XRRA1: variants seen among roughly 807,000 people sequenced by gnomAD.
XRRA1 encodes the protein X-ray radiation resistance-associated protein 1.
Under a neutral mutation model 80.2 loss-of-function variants are expected in XRRA1, and 69 were observed. The observed-to-expected ratio is 0.86, with a 90% CI of 0.71 to 1.05. The LOEUF (loss-of-function observed/expected upper bound fraction) is 1.05, where lower values mean the gene tolerates loss of function less well. Ranked by LOEUF, XRRA1 falls within the 50% of genes least tolerant of loss-of-function variation. XRRA1 has a pLI of 0.00. For missense variants in XRRA1, 967 were observed against 976.4 expected (o/e 0.99, Z 0.13); for synonymous variants, 348 against 389.9 (o/e 0.89, Z 1.27).
In XRRA1 at chr11:74,893,098, C is replaced by A. The variant is rs533114615; in HGVS notation, c.1003+13141G>T. Among the ~76,000 whole-genome samples the A allele has an allele frequency of 3.3e-5, 5 of 152,372 alleles. No homozygotes were observed. The South Asian group carries it at 1.0e-3, about 32-fold the overall frequency. On this transcript the variant is annotated intron_variant, in intron 10 of 18. Coordinates refer to ENST00000684022, the MANE Select transcript of XRRA1 (RefSeq NM_001378157.1). ...TATAAGTCATGCTGCTGTAAAGACA[C>A]ATGCACATGTATGTTTATTGTGGCA...
intron 10 of XRRA1, among the ~76,000 whole-genome samples, chr11:74,866,937 A>G (rs1683708781): frequency 6.6e-6 from 1 of 152,204 alleles, no homozygotes; most frequent in African/African-American, 2.4e-5. Flanking sequence ...TATTCAAAGA[A>G]TAACAGAAAA....
chr11:74,893,365 A>T (rs1368620954), intron 10 of XRRA1, among the ~76,000 whole-genome samples: 11 of 141,418 alleles, frequency 7.8e-5, no homozygotes, highest in Admixed American at 1.4e-4. Flanking sequence ...ATGAGAACAC[A>T]TGGACACAGG....
intron 10 of XRRA1, among the ~76,000 whole-genome samples, chr11:74,880,557 G>T (rs1442971656): frequency 6.7e-6 from 1 of 149,974 alleles, no homozygotes; most frequent in Non-Finnish European, 1.5e-5. Context: ...TGATGTTAGG[G>T]TGTCAATTTT....
chr11:74,880,753 T>G (rs1018862165), intron 10 of XRRA1, among the ~76,000 whole-genome samples: 12 of 151,436 alleles, frequency 7.9e-5, no homozygotes, highest in African/African-American at 2.7e-4. Flanking sequence ...TTGTTCAGTT[T>G]CCATGTAGTT....
intron 10 of XRRA1, among the ~76,000 whole-genome samples, chr11:74,892,577 C>G (rs1407451424): frequency 6.6e-6 from 1 of 152,122 alleles, no homozygotes. Flanking sequence ...AACTAAAGAG[C>G]TTCTGCACAG....
intron 10 of XRRA1, among the ~76,000 whole-genome samples, chr11:74,877,200 C>G (rs985206255): frequency 5.9e-5 from 9 of 152,128 alleles, no homozygotes; most frequent in African/African-American, 1.7e-4. Flanking sequence ...TCTAGCCACC[C>G]AATAATGTGT....
chr11:74,909,761 C>T (rs751398987), intron 8 of XRRA1: 2 of 152,114 alleles, frequency 1.3e-5, no homozygotes, highest in Non-Finnish European at 2.9e-5. Context: ...CAGAGTGGTG[C>T]TATTTTTATT....
At chr11:74,941,261 G>C (rs1247253523) in intron 2 of XRRA1, among the ~76,000 whole-genome samples, 1 of 151,914 alleles carries the variant, frequency 6.6e-6, no homozygotes, top group Non-Finnish European at 1.5e-5. Flanking sequence ...TACCTTAAAA[G>C]ACAAGAGGAT....
chr11:74,881,855 T>C (rs1325574134), intron 10 of XRRA1, among the ~76,000 whole-genome samples: 9 of 147,488 alleles, frequency 6.1e-5, no homozygotes, highest in African/African-American at 2.2e-4. Flanking sequence ...TTCTGGCTTG[T>C]AGGGTTTCTG....
At chr11:74,900,839 A>AGTCT (rs540328882) in intron 10 of XRRA1, among the ~76,000 whole-genome samples, 60 of 152,338 alleles carry the variant, frequency 3.9e-4, no homozygotes, top group African/African-American at 1.4e-3. Flanking sequence ...ACAGACACAT[A>AGTCT]GTTAGTATCG....
Position 74,895,458 on chromosome 11 carries a change from G to A in XRRA1, c.1003+10781C>T, listed in dbSNP as rs1035993998. 3.3e-5 allele frequency among the ~76,000 whole-genome samples: 5 copies of A among 152,230 alleles called. 1 individual carries two copies. Among genetic ancestry groups the A allele is most frequent in the Admixed American group, 2.0e-4 (3 of 15,284 alleles). On this transcript the variant is annotated intron_variant, in intron 10 of 18. Transcript: ENST00000684022. Reference sequence around the variant, plus strand: ...CAGCCTTGCCACCATTGGCTGAAGTGCAATGGAGTTCTAGATAAACTTGAA... The same window carrying A: ...CAGCCTTGCCACCATTGGCTGAAGTACAATGGAGTTCTAGATAAACTTGAA...
intron 8 of XRRA1, among the ~76,000 whole-genome samples, chr11:74,915,342 T>C (rs1938268926): frequency 6.6e-6 from 1 of 152,230 alleles, no homozygotes; most frequent in South Asian, 2.1e-4. Flanking sequence ...GTGTCTCATA[T>C]GACTGTTTCC....
intron 10 of XRRA1, among the ~76,000 whole-genome samples, chr11:74,865,132 C>T (rs923414371): frequency 1.3e-5 from 2 of 152,088 alleles, no homozygotes; most frequent in African/African-American, 4.8e-5. Flanking sequence ...GGCTTCTTCC[C>T]ATATCAAATC....
intron 2 of XRRA1, 73 bp from the exon 3 acceptor site, chr11:74,940,955 A>G: frequency 8.7e-7 from 1 of 1,146,102 alleles, no homozygotes; most frequent in South Asian, 1.3e-5. Flanking sequence ...ACTCCAGTGC[A>G]GCTCATGAGC....
chr11:74,920,390 CAT>C (rs755583950), intron 8 of XRRA1, among the ~76,000 whole-genome samples: 4 of 152,046 alleles, frequency 2.6e-5, no homozygotes, highest in Non-Finnish European at 5.9e-5. Flanking sequence ...CATATATACA[CAT>C]ATATATATTA....
chr11:74,883,188 G>A (rs1486024591), intron 10 of XRRA1, among the ~76,000 whole-genome samples: 2 of 152,256 alleles, frequency 1.3e-5, no homozygotes, highest in Non-Finnish European at 2.9e-5. Flanking sequence ...GACCCTCCGA[G>A]CCAGGTGCAG....
intron 3 of XRRA1, 35 bp from the exon 4 acceptor site, chr11:74,937,103 A>G: frequency 1.9e-6 from 3 of 1,591,638 alleles, no homozygotes; most frequent in Non-Finnish European, 2.6e-6. Context: ...AAAGGGGAAA[A>G]CTCCAAAGCT....
chr11:74,900,351 G>GGT (rs2137838944), intron 10 of XRRA1, among the ~76,000 whole-genome samples: 1 of 152,296 alleles, frequency 6.6e-6, no homozygotes, highest in South Asian at 2.1e-4. Flanking sequence ...GGGAGGCCAA[G>GGT]GTGGGCGGAT....
At position 74,859,286 on chromosome 11, in the gene XRRA1, T is replaced by C. The variant is rs573110120; in HGVS notation, c.1045-3A>G. ...GGAAGTGAACATATCTTGGTTGTCT[T>C]AGAAAGAAGGAAAAGTCAAAATCAA... On this transcript the variant is annotated splice_region_variant and splice_polypyrimidine_tract_variant and intron_variant, in intron 11 of 18. Transcript: ENST00000684022. 53 of 1,601,956 alleles carry C rather than the reference T, an allele frequency of 3.3e-5. No individual in the cohort carries two copies. In the African/African-American group the frequency reaches 6.0e-4, roughly 18 times the overall value.
Sources: allele counts gnomAD v4.1 joint callset (sites outside exome capture counted in the v4.1 genomes callset), GRCh38; gene constraint gnomAD v4.1.1; transcripts MANE v1.5; gene names NCBI Gene and HGNC (gene_info 2026-07-23, HGNC 2026-07-21).